Variants in RNF13 observed in about 807,000 individuals in gnomAD.
The protein encoded by RNF13 is ring finger protein 13.
In RNF13, 19 loss-of-function variants were observed where a neutral mutation model predicts 37.7. The observed-to-expected ratio is 0.50, with a 90% CI of 0.35 to 0.74. The LOEUF (loss-of-function observed/expected upper bound fraction) is 0.74, where lower values mean the gene tolerates loss of function less well. Ranked by LOEUF, RNF13 falls within the 30% of genes least tolerant of loss-of-function variation. RNF13 has a pLI of 0.01. For synonymous variants in RNF13, 144 were observed against 157.8 expected (o/e 0.91, Z 0.65); for missense variants, 375 against 453.0 (o/e 0.83, Z 1.56).
chr3:149,903,231 G>T (rs1476281554), intron 6 of RNF13, among the ~76,000 whole-genome samples: 3 of 151,938 alleles, frequency 2.0e-5, no homozygotes, highest in Non-Finnish European at 4.4e-5. Flanking sequence ...GCAAAGTGGT[G>T]TTTTGTCAGC....
chr3:149,851,850 C>T (rs889190026), intron 2 of RNF13, among the ~76,000 whole-genome samples: 2 of 152,106 alleles, frequency 1.3e-5, no homozygotes, highest in Admixed American at 6.5e-5. Context: ...ATTATCATTA[C>T]TGTTATCTTC....
chr3:149,944,960 T>A (rs896260737), intron 8 of RNF13, among the ~76,000 whole-genome samples: 1 of 152,212 alleles, frequency 6.6e-6, no homozygotes, highest in Non-Finnish European at 1.5e-5. Context: ...GTTTAAGTCT[T>A]TAATCCATCT....
At chr3:149,851,730 CT>C (rs1723137181) in intron 2 of RNF13, 1 of 152,094 alleles carries the variant, frequency 6.6e-6, no homozygotes, top group Non-Finnish European at 1.5e-5. Flanking sequence ...ACTATCTATA[CT>C]TGTTTACTAT....
At chr3:149,929,676 G>T (rs540510749) in intron 8 of RNF13, among the ~76,000 whole-genome samples, 1 of 152,222 alleles carries the variant, frequency 6.6e-6, no homozygotes, top group African/African-American at 2.4e-5. Flanking sequence ...AGTTGTTGTT[G>T]TTGTTTTTAA....
At chr3:149,926,383 T>C (rs1718656998) in intron 8 of RNF13, among the ~76,000 whole-genome samples, 1 of 152,100 alleles carries the variant, frequency 6.6e-6, no homozygotes, top group Admixed American at 6.5e-5. Context: ...GGCTCCTTTT[T>C]GTATTTTTAG....
intron 4 of RNF13, among the ~76,000 whole-genome samples, chr3:149,890,111 T>A (rs2108481972): frequency 6.6e-6 from 1 of 152,346 alleles, no homozygotes; most frequent in South Asian, 2.1e-4. Flanking sequence ...TTTCCTATTT[T>A]GGCCAAAGGC....
intron 8 of RNF13, among the ~76,000 whole-genome samples, chr3:149,955,600 T>C (rs533774839): frequency 6.6e-6 from 1 of 152,264 alleles, no homozygotes; most frequent in African/African-American, 2.4e-5. Flanking sequence ...AAGAATTCAG[T>C]ACTAAGAAAA....
chr3:149,887,914 A>G lies in RNF13; in HGVS notation c.322-7559A>G, dbSNP rs555697689. Among the ~76,000 whole-genome samples the G allele has an allele frequency of 4.6e-5, 7 of 152,354 alleles. No homozygotes were observed. In the East Asian group the frequency reaches 1.3e-3, roughly 29 times the overall value. On this transcript the variant is annotated intron_variant, in intron 4 of 9. Coordinates refer to ENST00000392894, the MANE Select transcript of RNF13 (RefSeq NM_183381.3). Reference sequence around the variant, plus strand: ...CACTATTAACAGAAGATATTTTAAAATAATATGAAGCCAAGTTCATACTTG... The same window carrying G: ...CACTATTAACAGAAGATATTTTAAAGTAATATGAAGCCAAGTTCATACTTG...
At chr3:149,845,726 A>G (rs1722582980) in intron 1 of RNF13, 1 of 204,008 alleles carries the variant, frequency 4.9e-6, no homozygotes, top group African/African-American at 2.3e-5. Flanking sequence ...GGTTAGTAAG[A>G]CAAGCTGTAC....
chr3:149,829,223 C>T (rs1720799443), intron 1 of RNF13, among the ~76,000 whole-genome samples: 1 of 152,142 alleles, frequency 6.6e-6, no homozygotes, highest in Non-Finnish European at 1.5e-5. Context: ...CCTCAGCCTC[C>T]CAAGTAGCTG....
rs148218046 is a variant in RNF13 at position 149,885,953 on chromosome 3, C to T, written c.322-9520C>T. On this transcript the variant is annotated intron_variant, in intron 4 of 9. Coordinates refer to ENST00000392894, the MANE Select transcript of RNF13 (RefSeq NM_183381.3). The stretch of plus-strand genomic sequence containing the variant: ...CTAGTTTCATTCTTCTGGATATGTA[C>T]CTCCAGTTTTCTCAGCGCCATTCAT... Among the ~76,000 whole-genome samples the T allele has an allele frequency of 2.6e-3, 401 of 152,142 alleles. 2 individuals are homozygous for T. Among genetic ancestry groups the T allele is most frequent in the African/African-American group, 9.2e-3 (381 of 41,466 alleles).
At chr3:149,848,322 G>A (rs1481558671) in intron 2 of RNF13, among the ~76,000 whole-genome samples, 2 of 152,182 alleles carry the variant, frequency 1.3e-5, no homozygotes, top group Non-Finnish European at 2.9e-5. Flanking sequence ...CTGTAAGATG[G>A]GAGCTGCTTA....
intron 8 of RNF13, among the ~76,000 whole-genome samples, chr3:149,933,182 A>G (rs1348118015): frequency 1.3e-5 from 2 of 151,872 alleles, no homozygotes; most frequent in African/African-American, 4.8e-5. Flanking sequence ...TGCAGGGCAG[A>G]GGCTCCGCAG....
rs1722316453 is a variant in RNF13 at position 149,960,689 on chromosome 3, A to AAAG, written c.782-50_782-48dup. ...TAAATATGGCAAGAGATTAAATATA[A>AAAG]AAGTATCAACCGCAGCATACTAACT... On this transcript the variant is annotated intron_variant, in intron 9 of 9. Coordinates refer to ENST00000392894, the MANE Select transcript of RNF13 (RefSeq NM_183381.3). 3.3e-6 allele frequency: 5 copies of AAAG among 1,518,760 alleles called. No homozygotes were observed. In the Admixed American group the frequency reaches 1.1e-4, roughly 33 times the overall value. 94.1% of individuals were successfully genotyped at this position (1,518,760 alleles called of 1,614,324 possible). A position where few individuals can be genotyped will look rare whatever the true frequency, so the allele number is the denominator to read the frequency against.
At chr3:149,898,560 T>A (rs1715502478) in intron 5 of RNF13, among the ~76,000 whole-genome samples, 2 of 152,148 alleles carry the variant, frequency 1.3e-5, no homozygotes, top group African/African-American at 4.8e-5. Context: ...ATGCTTCAGT[T>A]TTTCTGATCT....
At chr3:149,940,867 C>A (rs1203525950) in intron 8 of RNF13, among the ~76,000 whole-genome samples, 1 of 152,092 alleles carries the variant, frequency 6.6e-6, no homozygotes, top group Non-Finnish European at 1.5e-5. Context: ...TTCTCTCCAG[C>A]CCTTGCTAAC....
At chr3:149,937,877 G>A (rs1719859895) in intron 8 of RNF13, among the ~76,000 whole-genome samples, 1 of 152,054 alleles carries the variant, frequency 6.6e-6, no homozygotes, top group African/African-American at 2.4e-5. Context: ...TTCCATGTGA[G>A]CTGGAAAGGA....
chr3:149,952,956 C>T (rs1182719073), intron 8 of RNF13, among the ~76,000 whole-genome samples: 1 of 152,114 alleles, frequency 6.6e-6, no homozygotes, highest in Non-Finnish European at 1.5e-5. Flanking sequence ...TCCAAAACTC[C>T]CATTACCTTT....
At chr3:149,860,776 G>A (rs1442423897) in intron 3 of RNF13, among the ~76,000 whole-genome samples, 5 of 152,082 alleles carry the variant, frequency 3.3e-5, no homozygotes, top group Non-Finnish European at 7.4e-5. Flanking sequence ...ATGCTATATT[G>A]AACTAAAAAG....
Sources: gnomAD v4.1 joint callset for allele counts (sites outside exome capture counted in the v4.1 genomes callset) on GRCh38, gnomAD v4.1.1 for gene constraint, MANE v1.5 for transcripts, NCBI Gene and HGNC (gene_info 2026-07-23, HGNC 2026-07-21) for gene names.